The following STXBP5L variants were observed in gnomAD, a reference collection of about 807,000 sequenced individuals.
The protein encoded by STXBP5L is syntaxin binding protein 5L.
In STXBP5L, 65 loss-of-function variants were observed where a neutral mutation model predicts 144.5. The ratio of observed to expected loss-of-function variants is 0.45; its 90% CI spans 0.37 to 0.55. The LOEUF is 0.55. Ranked by LOEUF, STXBP5L falls within the 20% of genes least tolerant of loss-of-function variation. The pLI, the probability that STXBP5L is intolerant of heterozygous loss-of-function variation, is 0.00. For missense variants in STXBP5L, 1,298 were observed against 1,405.5 expected, an observed-to-expected ratio of 0.92 and a Z score of 1.22; for synonymous variants, 505 against 469.6, an observed-to-expected ratio of 1.08 and a Z score of -0.97.
chr3:121,318,864 A>G (rs981567492), intron 20 of STXBP5L, among the ~76,000 whole-genome samples: 2 of 152,246 alleles, frequency 1.3e-5, no homozygotes, highest in Admixed American at 1.3e-4. Context: ...GAAACTTGTC[A>G]TCTTCAGGCT....
chr3:121,422,196 G>A lies in STXBP5L; in HGVS notation c.*3099G>A, dbSNP rs1316649823. On this transcript the variant is annotated 3_prime_UTR_variant, in exon 27 of 27. Coordinates refer to ENST00000471454, the MANE Select transcript of STXBP5L (RefSeq NM_001308330.2). The stretch of plus-strand genomic sequence containing the variant: ...GTTGATCCATGTAATCCTTTGCATA[G>A]TCTCATCTTTACTATCTTTCTTCTA... 1.3e-5 allele frequency: 2 copies of A among 152,082 alleles called. No homozygotes were observed. The highest frequency in any genetic ancestry group is 6.6e-5 in the Admixed American group (1 of 15,252). 9.4% of individuals were successfully genotyped at this position (152,082 alleles called of 1,614,324 possible).
At chr3:120,964,500 T>A (rs1336247833) in intron 3 of STXBP5L, among the ~76,000 whole-genome samples, 2 of 152,210 alleles carry the variant, frequency 1.3e-5, no homozygotes, top group African/African-American at 4.8e-5. Context: ...TCAAAGAACA[T>A]CTTTATTTCT....
intron 3 of STXBP5L, among the ~76,000 whole-genome samples, chr3:120,976,397 C>G (rs1424599309): frequency 6.6e-6 from 1 of 151,922 alleles, no homozygotes; most frequent in Non-Finnish European, 1.5e-5. Context: ...GATATCCCCT[C>G]TATCATTTTT....
chr3:120,930,863 T>A (rs1163085819), intron 2 of STXBP5L, among the ~76,000 whole-genome samples: 1 of 152,158 alleles, frequency 6.6e-6, no homozygotes, highest in Non-Finnish European at 1.5e-5. Context: ...AATGTGGTAC[T>A]CCTTTGTCAT....
At chr3:121,178,427 A>G (rs1464884732) in intron 9 of STXBP5L, among the ~76,000 whole-genome samples, 7 of 152,242 alleles carry the variant, frequency 4.6e-5, no homozygotes, top group Non-Finnish European at 7.3e-5. Flanking sequence ...TTAATTGGCT[A>G]TATGTTAAAT....
chr3:121,254,690 G>T (rs1008964322), intron 15 of STXBP5L, among the ~76,000 whole-genome samples: 1 of 152,100 alleles, frequency 6.6e-6, no homozygotes, highest in African/African-American at 2.4e-5. Flanking sequence ...TATATTCAAG[G>T]AATGTTTATT....
chr3:121,318,549 G>T lies in STXBP5L; in HGVS notation c.2176+9G>T. On this transcript the variant is annotated intron_variant, in intron 20 of 26. Transcript: ENST00000471454. The stretch of plus-strand genomic sequence containing the variant: ...CAAGTCTCCTACCTCAGGTAAACAT[G>T]AGTGGTATTTTGCAGACTTCTGGTA... The T allele has an allele frequency of 6.5e-7, 1 of 1,534,728 alleles. No individual in the cohort carries two copies. Among genetic ancestry groups the T allele is most frequent in the Non-Finnish European group, 8.8e-7 (1 of 1,138,738 alleles).
At chr3:121,067,409 GTTAA>G (rs769854570) in intron 5 of STXBP5L, among the ~76,000 whole-genome samples, 3 of 152,032 alleles carry the variant, frequency 2.0e-5, no homozygotes, top group Non-Finnish European at 1.5e-5. Flanking sequence ...TTATTTAGAA[GTTAA>G]TTAGTTTTCA....
intron 18 of STXBP5L, among the ~76,000 whole-genome samples, chr3:121,264,968 T>G (rs2050513603): frequency 6.6e-6 from 1 of 152,088 alleles, no homozygotes; most frequent in Non-Finnish European, 1.5e-5. Context: ...GTACCCAGAT[T>G]CATAAAGCAA....
chr3:121,240,574 T>C (rs2049633442), intron 14 of STXBP5L, 67 bp downstream of exon 14: 3 of 1,440,758 alleles, frequency 2.1e-6, no homozygotes, highest in Non-Finnish European at 1.9e-6. Context: ...TCTTGATACT[T>C]TTCCATAATT....
intron 22 of STXBP5L, among the ~76,000 whole-genome samples, chr3:121,402,942 A>T: frequency 6.6e-6 from 1 of 152,054 alleles, no homozygotes; most frequent in East Asian, 1.9e-4. Flanking sequence ...CGATCCTCCC[A>T]TCTCAGCCAC....
At chr3:121,164,724 C>G (rs959544627) in intron 9 of STXBP5L, among the ~76,000 whole-genome samples, 4 of 152,116 alleles carry the variant, frequency 2.6e-5, no homozygotes, top group Non-Finnish European at 5.9e-5. Flanking sequence ...GGAAAGATAT[C>G]CTGTCATTTG....
intron 20 of STXBP5L, among the ~76,000 whole-genome samples, chr3:121,349,052 G>C (rs1180213439): frequency 6.6e-6 from 1 of 151,828 alleles, no homozygotes; most frequent in Non-Finnish European, 1.5e-5. Flanking sequence ...GTGATGTTAG[G>C]GTGTCAGTTT....
chr3:120,975,776 G>A (rs1430169766), intron 3 of STXBP5L, among the ~76,000 whole-genome samples: 3 of 152,048 alleles, frequency 2.0e-5, no homozygotes, highest in Admixed American at 6.6e-5. Context: ...TTTGTCAAAG[G>A]CCTTTTCTGC....
In STXBP5L at chr3:120,993,330, CTATTTT is replaced by C. The variant is rs144473983; in HGVS notation, c.287+38295_287+38300del. Among the ~76,000 whole-genome samples the C allele has an allele frequency of 8.1e-3, 1,232 of 152,096 alleles. 6 individuals are homozygous for C. Among genetic ancestry groups the C allele is most frequent in the Non-Finnish European group, 0.013 (904 of 67,912 alleles). On this transcript the variant is annotated intron_variant, in intron 3 of 26. Transcript: ENST00000471454. ...TTCAATTTAATACCATCTTATTTGTCTATTTTTGTTTTTGTTGCGTATGCTTTTACA... is the reference window on the plus strand; with the variant it reads ...TTCAATTTAATACCATCTTATTTGTCTGTTTTTGTTGCGTATGCTTTTACA...
chr3:121,018,523 C>CAAAAAAAA (rs139946627), intron 3 of STXBP5L, among the ~76,000 whole-genome samples: 3 of 101,924 alleles, frequency 2.9e-5, no homozygotes, highest in South Asian at 3.7e-4. Context: ...ATCCATATAC[C>CAAAAAAAA]AAAAAAAAAA....
chr3:121,091,740 A>T (rs1226242604), intron 5 of STXBP5L, among the ~76,000 whole-genome samples: 1 of 152,010 alleles, frequency 6.6e-6, no homozygotes, highest in Non-Finnish European at 1.5e-5. Context: ...GTTCACTCTG[A>T]TGGTAGTTTC....
At chr3:121,313,843 G>A (rs2043666468) in intron 19 of STXBP5L, among the ~76,000 whole-genome samples, 1 of 143,496 alleles carries the variant, frequency 7.0e-6, no homozygotes, top group African/African-American at 2.6e-5. Flanking sequence ...TCTCAGACGG[G>A]GCGGTTGCCA....
At chr3:121,121,005 G>C (rs188606909) in intron 6 of STXBP5L, among the ~76,000 whole-genome samples, 243 of 151,274 alleles carry the variant, frequency 1.6e-3, no homozygotes, top group Non-Finnish European at 2.9e-3. Context: ...AAGTCAGATT[G>C]ATAGAGAGAG....
Sources: gnomAD v4.1 joint callset for allele counts (sites outside exome capture counted in the v4.1 genomes callset) on GRCh38, gnomAD v4.1.1 for gene constraint, MANE v1.5 for transcripts, NCBI Gene and HGNC (gene_info 2026-07-23, HGNC 2026-07-21) for gene names.